The following SCAMP1 variants were observed in gnomAD, a reference collection of about 807,000 sequenced individuals.
The protein encoded by SCAMP1 is secretory carrier membrane protein 1, also known as secretory carrier-associated membrane protein 1.
Under a neutral mutation model 41.8 loss-of-function variants are expected in SCAMP1, and 15 were observed. The observed-to-expected ratio is 0.36, with a 90% CI of 0.24 to 0.55. SCAMP1 has a LOEUF of 0.55. SCAMP1 is among the 20% of genes least tolerant of loss of function. SCAMP1 has a pLI of 0.86. For missense variants in SCAMP1, 341 were observed against 412.6 expected (o/e 0.83, Z 1.50); for synonymous variants, 135 against 136.8 (o/e 0.99, Z 0.09).
At chr5:78,360,818 C>T (rs778009378) in intron 1 of SCAMP1, 90 bp downstream of exon 1, 69 of 1,312,062 alleles carry the variant, frequency 5.3e-5, no homozygotes, top group Non-Finnish European at 6.2e-5. Context: ...GCGTCTGCCC[C>T]TCGGCTCCCC....
At chr5:78,373,516 C>A (rs369234299) in intron 1 of SCAMP1, among the ~76,000 whole-genome samples, 32 of 152,162 alleles carry the variant, frequency 2.1e-4, no homozygotes, top group African/African-American at 7.2e-4. Context: ...TTTTTTAAAT[C>A]TTTCTTAAGG....
chr5:78,451,780 G>A lies in SCAMP1; in HGVS notation c.734+1746G>A, dbSNP rs145847411. On this transcript the variant is annotated intron_variant, in intron 7 of 8. Transcript: ENST00000621999. The stretch of plus-strand genomic sequence containing the variant: ...AGTGATTCTCATGCCTCAGCCTCCC[G>A]AGTAGCTGGGATTACAGGCGCCTGC... Among the ~76,000 whole-genome samples the A allele has an allele frequency of 8.7e-3, 1,327 of 152,208 alleles. 16 individuals carry two copies. Among genetic ancestry groups the A allele is most frequent in the African/African-American group, 0.03 (1,253 of 41,520 alleles).
chr5:78,419,148 A>G (rs557700867), intron 5 of SCAMP1, among the ~76,000 whole-genome samples: 2 of 152,288 alleles, frequency 1.3e-5, no homozygotes, highest in Admixed American at 6.5e-5. Context: ...TGAGGAAAAG[A>G]CAACTTCTCT....
chr5:78,407,786 T>A (rs1751970383), intron 2 of SCAMP1, among the ~76,000 whole-genome samples: 1 of 152,184 alleles, frequency 6.6e-6, no homozygotes, highest in Admixed American at 6.5e-5. Context: ...AGTTTGCTGT[T>A]CAACTTGTCT....
intron 6 of SCAMP1, among the ~76,000 whole-genome samples, chr5:78,446,678 A>G (rs1021020886): frequency 1.3e-5 from 2 of 152,200 alleles, no homozygotes; most frequent in African/African-American, 2.4e-5. Context: ...ATTCAGTATT[A>G]TAAAAATAGC....
intron 6 of SCAMP1, among the ~76,000 whole-genome samples, chr5:78,434,154 G>A (rs1463741906): frequency 1.3e-5 from 2 of 152,296 alleles, no homozygotes; most frequent in South Asian, 2.1e-4. Flanking sequence ...CTGTGGAGAA[G>A]AGCCTGTGAG....
chr5:78,398,796 C>G (rs1751726244), intron 2 of SCAMP1, among the ~76,000 whole-genome samples: 1 of 152,082 alleles, frequency 6.6e-6, no homozygotes, highest in Non-Finnish European at 1.5e-5. Context: ...CCCCCTGCCT[C>G]AACCTCCCAA....
At position 78,449,913 on chromosome 5, in the gene SCAMP1, TTTC is replaced by T; in HGVS notation, c.633-17_633-15del. The stretch of plus-strand genomic sequence containing the variant: ...TCCCCCTAACCCCCTTTTTTCTTTC[TTTC>T]TTTTTTTTTTTCAAAGGAGTGACAG... On this transcript the variant is annotated splice_polypyrimidine_tract_variant and intron_variant, in intron 6 of 8. Coordinates refer to ENST00000621999, the MANE Select transcript of SCAMP1 (RefSeq NM_004866.6). 6 of 1,404,878 alleles carry T rather than the reference TTTC, an allele frequency of 4.3e-6. No individual in the cohort carries two copies. The highest frequency in any genetic ancestry group is 5.8e-6 in the Non-Finnish European group (6 of 1,034,140). The allele number at this position is 1,404,878 out of a possible 1,614,324, so 87.0% of individuals were successfully genotyped here.
rs1267594498 is a variant in SCAMP1 at position 78,479,843 on chromosome 5, C to T, written c.*4175C>T. On this transcript the variant is annotated 3_prime_UTR_variant, in exon 9 of 9. Coordinates refer to ENST00000621999, the MANE Select transcript of SCAMP1 (RefSeq NM_004866.6). Reference sequence around the variant, plus strand: ...GGATCACGAGGTCAGGAGATCGAAACCATCCTGGCTAACATGGTGAAACCC... The same window carrying T: ...GGATCACGAGGTCAGGAGATCGAAATCATCCTGGCTAACATGGTGAAACCC... Among the ~76,000 whole-genome samples the T allele has an allele frequency of 6.6e-6, 1 of 151,980 alleles. No homozygotes were observed. The highest frequency in any genetic ancestry group is 6.6e-5 in the Admixed American group (1 of 15,264).
At chr5:78,387,174 G>A (rs1751362272) in intron 1 of SCAMP1, among the ~76,000 whole-genome samples, 1 of 151,832 alleles carries the variant, frequency 6.6e-6, no homozygotes, top group Admixed American at 6.6e-5. Context: ...CTTTGTCTTT[G>A]TTGGATTGGG....
intron 5 of SCAMP1, among the ~76,000 whole-genome samples, chr5:78,420,919 C>T (rs903545237): frequency 2.0e-5 from 3 of 152,072 alleles, no homozygotes; most frequent in Non-Finnish European, 4.4e-5. Context: ...AATTTGTTGG[C>T]ATATTTTTAT....
chr5:78,367,797 G>A (rs1448655213), intron 1 of SCAMP1, among the ~76,000 whole-genome samples: 1 of 151,816 alleles, frequency 6.6e-6, no homozygotes, highest in Admixed American at 6.6e-5. Flanking sequence ...ACCTGCTGAT[G>A]CATAGCAGTT....
At chr5:78,452,172 T>A (rs1452658583) in intron 7 of SCAMP1, among the ~76,000 whole-genome samples, 2 of 151,450 alleles carry the variant, frequency 1.3e-5, no homozygotes, top group Admixed American at 1.3e-4. Flanking sequence ...TGTTGCACAT[T>A]TAGTTTTCTT....
At chr5:78,474,901 A>C (rs1753969540) in intron 8 of SCAMP1, among the ~76,000 whole-genome samples, 1 of 152,218 alleles carries the variant, frequency 6.6e-6, no homozygotes, top group African/African-American at 2.4e-5. Flanking sequence ...TTGAGTGATT[A>C]ATCAGTATGG....
At position 78,454,889 on chromosome 5, in the gene SCAMP1, A is replaced by G. The variant is rs1027901942; in HGVS notation, c.735-4356A>G. On this transcript the variant is annotated intron_variant, in intron 7 of 8. Transcript: ENST00000621999. ...TGTTATTGGTCTATTCAGAGATTCA[A>G]CTTCTTCCTGGTTTAGTCTTGGGAG... is the stretch of plus-strand genomic sequence containing the variant. 1.3e-5 allele frequency among the ~76,000 whole-genome samples: 2 copies of G among 152,164 alleles called. 1 individual carries two copies. Among genetic ancestry groups the G allele is most frequent in the African/African-American group, 4.8e-5 (2 of 41,444 alleles).
chr5:78,469,363 T>G (rs1194421084), intron 8 of SCAMP1, among the ~76,000 whole-genome samples: 1 of 152,092 alleles, frequency 6.6e-6, no homozygotes, highest in Non-Finnish European at 1.5e-5. Flanking sequence ...ACTTGTCACC[T>G]TCTTCTAAGG....
intron 6 of SCAMP1, among the ~76,000 whole-genome samples, chr5:78,436,389 T>A (rs926611435): frequency 5.3e-5 from 8 of 152,234 alleles, no homozygotes; most frequent in African/African-American, 1.7e-4. Context: ...CCATCTTGAA[T>A]TAATTTTTGT....
In SCAMP1 at chr5:78,409,964, C is replaced by T. The variant is rs148105956; in HGVS notation, c.136-5556C>T. ...ATTGTTTTATTGTTGCTGCTTATTA[C>T]ACCAAGAAGACAGGGCTTTGGGGCG... On this transcript the variant is annotated intron_variant, in intron 2 of 8. Coordinates refer to ENST00000621999, the MANE Select transcript of SCAMP1 (RefSeq NM_004866.6). Among the ~76,000 whole-genome samples, 66 of 152,180 alleles carry T rather than the reference C, an allele frequency of 4.3e-4. 1 individual carries two copies. The highest frequency in any genetic ancestry group is 1.5e-3 in the African/African-American group (64 of 41,526).
At chr5:78,457,280 G>A (rs1412629285) in intron 7 of SCAMP1, among the ~76,000 whole-genome samples, 1 of 152,152 alleles carries the variant, frequency 6.6e-6, no homozygotes, top group Non-Finnish European at 1.5e-5. Flanking sequence ...AGAGTTTCCA[G>A]TTTTTCTGTT....
Sources: gnomAD v4.1 joint callset for allele counts (sites outside exome capture counted in the v4.1 genomes callset) on GRCh38, gnomAD v4.1.1 for gene constraint, MANE v1.5 for transcripts, NCBI Gene and HGNC (gene_info 2026-07-23, HGNC 2026-07-21) for gene names.